TRHR: variants seen among roughly 807,000 people sequenced by gnomAD.
The protein encoded by TRHR is thyrotropin releasing hormone receptor.
A neutral mutation model predicts 28.0 loss-of-function variants in TRHR; 14 were observed. The ratio of observed to expected loss-of-function variants is 0.50; its 90% CI spans 0.33 to 0.78. The LOEUF is 0.78. TRHR is among the 30% of genes least tolerant of loss of function. The pLI is 0.02. For missense variants in TRHR, 438 were observed against 469.5 expected, an observed-to-expected ratio of 0.93 and a Z score of 0.62; for synonymous variants, 176 against 171.9, an observed-to-expected ratio of 1.02 and a Z score of -0.18.
chr8:109,088,140 C>T lies in TRHR; in HGVS notation c.628C>T (p.Leu210Phe). The change falls in exon 2 of 3, where the codon CTC (leucine) becomes TTC (phenylalanine). Residue 210 changes from leucine to phenylalanine, a missense_variant. By Grantham distance (22) the Leu-to-Phe change is conservative (BLOSUM62 0). Transcript: ENST00000518632. ...TGTGCCAATGATCCTGGCTACCGTC[C>T]TCTATGGATTCATAGCTAGAATCCT... ...YVVPMILATV[L>F]YGFIARILFL... 1 of 1,614,184 alleles carries T rather than the reference C, an allele frequency of 6.2e-7. No homozygotes were observed. The highest frequency in any genetic ancestry group is 8.5e-7 in the Non-Finnish European group (1 of 1,180,040).
chr8:109,087,911 C>T lies in TRHR; in HGVS notation c.399C>T (p.Ala133=). 6.2e-7 allele frequency: 1 copy of T among 1,614,144 alleles called. No individual in the cohort carries two copies. Among genetic ancestry groups the T allele is most frequent in the Non-Finnish European group, 8.5e-7 (1 of 1,180,024 alleles). ...TAGCAATCTGTCACCCCATCAAAGCCCAGTTTCTCTGCACATTTTCCAGAG... is the reference window on the plus strand; with the variant it reads ...TAGCAATCTGTCACCCCATCAAAGCTCAGTTTCTCTGCACATTTTCCAGAG... ...RYIAICHPIK[A]QFLCTFSRAK... The change falls in exon 2 of 3, where the codon GCC becomes GCT. Residue 133 remains alanine, a synonymous_variant. Coordinates refer to ENST00000518632, the MANE Select transcript of TRHR (RefSeq NM_003301.7).
intron 2 of TRHR, among the ~76,000 whole-genome samples, chr8:109,093,438 A>C (rs1586185553): frequency 1.8e-5 from 2 of 111,410 alleles, no homozygotes; most frequent in Admixed American, 1.4e-4. Context: ...ACAGAGTCTC[A>C]CCCTGTCACC....
chr8:109,117,665 G>A (rs554075214), intron 2 of TRHR, among the ~76,000 whole-genome samples: 18 of 151,836 alleles, frequency 1.2e-4, no homozygotes, highest in South Asian at 2.1e-4. Context: ...CAATGAAGAT[G>A]ATAATCACTA....
rs1266072111 is a variant in TRHR, at chr8:109,109,775, A to G, written c.790-9273A>G. ...AACCAGGACAGCTCAAAGTCCCATC[A>G]CTTTTCCCACTCTTCATGTATGTGT... On this transcript the variant is annotated intron_variant, in intron 2 of 2. Coordinates refer to ENST00000518632, the MANE Select transcript of TRHR (RefSeq NM_003301.7). Among the ~76,000 whole-genome samples, 11 of 152,054 alleles carry G rather than the reference A, an allele frequency of 7.2e-5. No homozygotes were observed. The East Asian group carries it at 2.1e-3, about 29-fold the overall frequency.
chr8:109,118,556 T>C (rs1049989368), intron 2 of TRHR, among the ~76,000 whole-genome samples: 3 of 151,846 alleles, frequency 2.0e-5, no homozygotes, highest in Non-Finnish European at 4.4e-5. Flanking sequence ...ATTTCAGCCA[T>C]AGCTGCAGTA....
At position 109,087,447 on chromosome 8, in the gene TRHR, AG is replaced by A; in HGVS notation, c.-64del. On this transcript the variant is annotated 5_prime_UTR_variant, in exon 2 of 3. Coordinates refer to ENST00000518632, the MANE Select transcript of TRHR (RefSeq NM_003301.7). The stretch of plus-strand genomic sequence containing the variant: ...CAGGGGGATGGAACTGCTGCAATAA[AG>A]GTGGGCGCTGGAAAGAAGATGTTTT... 1 of 1,569,612 alleles carries A rather than the reference AG, an allele frequency of 6.4e-7. No individual in the cohort carries two copies. Among genetic ancestry groups the A allele is most frequent in the Non-Finnish European group, 8.7e-7 (1 of 1,144,878 alleles).
intron 2 of TRHR, among the ~76,000 whole-genome samples, chr8:109,095,156 A>G (rs1811570250): frequency 6.6e-6 from 1 of 152,138 alleles, no homozygotes; most frequent in African/African-American, 2.4e-5. Context: ...CCCTAGCACT[A>G]TCCTAGGTAT....
rs1244177747 is a variant in TRHR at position 109,119,181 on chromosome 8, G to T, written c.923G>T (p.Cys308Phe). ...ENWFLLFCRI[C>F]IYLNSAINPV... is the part of the protein sequence containing the mutation. ...TGGTTTTTGCTCTTTTGCAGAATTT[G>T]CATTTATCTCAACAGTGCCATCAAC... The change falls in exon 3 of 3, where the codon TGC becomes TTC. Residue 308 changes from cysteine to phenylalanine, a missense_variant. Transcript: ENST00000518632. 6.2e-7 allele frequency: 1 copy of T among 1,612,730 alleles called. No individual in the cohort carries two copies. Among genetic ancestry groups the T allele is most frequent in the Admixed American group, 1.7e-5 (1 of 59,866 alleles).
intron 2 of TRHR, among the ~76,000 whole-genome samples, chr8:109,113,839 T>C (rs1297704519): frequency 6.6e-6 from 1 of 152,106 alleles, no homozygotes; most frequent in Non-Finnish European, 1.5e-5. Context: ...TAATAGTAGT[T>C]AGTAATAGAA....
At chr8:109,094,109 C>A (rs1412376773) in intron 2 of TRHR, among the ~76,000 whole-genome samples, 1 of 152,172 alleles carries the variant, frequency 6.6e-6, no homozygotes, top group African/African-American at 2.4e-5. Context: ...TCAACAGACT[C>A]ATTCTTCTCC....
intron 2 of TRHR, among the ~76,000 whole-genome samples, chr8:109,113,303 T>C (rs963991010): frequency 1.7e-4 from 26 of 152,162 alleles, no homozygotes; most frequent in Non-Finnish European, 3.7e-4. Context: ...TGATATGTTA[T>C]GTTGAGAATG....
chr8:109,088,984 G>A (rs1015813271), intron 2 of TRHR, among the ~76,000 whole-genome samples: 6 of 151,966 alleles, frequency 3.9e-5, no homozygotes, highest in African/African-American at 1.4e-4. Flanking sequence ...TTTAAAAATC[G>A]GTTTTTTCCT....
In TRHR at chr8:109,087,939, A is replaced by G; in HGVS notation, c.427A>G (p.Lys143Glu). ...AQFLCTFSRA[K>E]KIIIFVWAFT... ...GTTTCTCTGCACATTTTCCAGAGCC[A>G]AAAAGATTATCATCTTTGTCTGGGC... The change falls in exon 2 of 3, where the codon AAA becomes GAA. Residue 143 changes from lysine (K) to glutamate (E), a missense_variant. Physicochemically the swap from Lys to Glu is moderately conservative, Grantham distance 56. Transcript: ENST00000518632. The G allele has an allele frequency of 6.2e-7, 1 of 1,614,162 alleles. No homozygotes were observed. Among genetic ancestry groups the G allele is most frequent in the Non-Finnish European group, 8.5e-7 (1 of 1,180,022 alleles).
chr8:109,118,593 C>T (rs941420620), intron 2 of TRHR, among the ~76,000 whole-genome samples: 1 of 151,812 alleles, frequency 6.6e-6, no homozygotes, highest in African/African-American at 2.4e-5. Flanking sequence ...GGAAATATCC[C>T]ACTTCAGGCA....
At chr8:109,110,717 C>G (rs1181768421) in intron 2 of TRHR, among the ~76,000 whole-genome samples, 1 of 152,180 alleles carries the variant, frequency 6.6e-6, no homozygotes, top group East Asian at 1.9e-4. Flanking sequence ...TGAATCATCA[C>G]TCAGCCTTTA....
In TRHR at chr8:109,100,270, G is replaced by A. The variant is rs551445226; in HGVS notation, c.789+11969G>A. Among the ~76,000 whole-genome samples, 7 of 152,220 alleles carry A rather than the reference G, an allele frequency of 4.6e-5. No homozygotes were observed. In the East Asian group the frequency reaches 7.7e-4, roughly 17 times the overall value. On this transcript the variant is annotated intron_variant, in intron 2 of 2. Coordinates refer to ENST00000518632, the MANE Select transcript of TRHR (RefSeq NM_003301.7). ...AGGCTCAGATTCAGAGTATATTTAC[G>A]GGAGAAATATTTAACTAGAGATTAT...
rs1197645833 is a variant in TRHR at position 109,119,116 on chromosome 8, G to T, written c.858G>T (p.Val286=). The T allele has an allele frequency of 9.3e-6, 15 of 1,612,762 alleles. No homozygotes were observed. In the East Asian group the frequency reaches 1.8e-4, roughly 19 times the overall value. The part of the protein sequence containing the change: ...ALLWMPYRTL[V]VVNSFLSSPF... ...TATGGATGCCCTACAGGACTCTAGT[G>T]GTTGTCAACTCATTTCTCTCCAGTC... The change falls in exon 3 of 3, where the codon GTG becomes GTT. Residue 286 remains valine, a synonymous_variant. Transcript: ENST00000518632.
At chr8:109,116,338 C>T (rs887669637) in intron 2 of TRHR, among the ~76,000 whole-genome samples, 3 of 151,990 alleles carry the variant, frequency 2.0e-5, no homozygotes, top group Non-Finnish European at 2.9e-5. Flanking sequence ...GGGAGGATTC[C>T]CTCTTTTTCT....
chr8:109,115,104 C>T (rs938171050), intron 2 of TRHR, among the ~76,000 whole-genome samples: 5 of 152,006 alleles, frequency 3.3e-5, no homozygotes, highest in Non-Finnish European at 7.4e-5. Flanking sequence ...ACCCTATACG[C>T]TACTCTGATC....
Sources: allele counts gnomAD v4.1 joint callset (sites outside exome capture counted in the v4.1 genomes callset), GRCh38; gene constraint gnomAD v4.1.1; transcripts MANE v1.5; gene names NCBI Gene and HGNC (gene_info 2026-07-23, HGNC 2026-07-21).